WDR59: variants seen among roughly 807,000 people sequenced by gnomAD.
WDR59 encodes WD repeat domain 59, also known as GATOR2 complex protein WDR59.
A neutral mutation model predicts 131.2 loss-of-function variants in WDR59; 100 were observed. The observed-to-expected ratio is 0.76, with a 90% CI of 0.65 to 0.90. The LOEUF is 0.90. Among genes scored for constraint, WDR59 ranks in the 40% least tolerant of loss-of-function variants. The probability of loss-of-function intolerance (pLI) is 0.00; values close to 1 mark genes in which losing one functional copy is unlikely to be tolerated. For synonymous variants in WDR59, 601 were observed against 466.2 expected, an observed-to-expected ratio of 1.29 and a Z score of -3.72; for missense variants, 1,203 against 1,262.2, an observed-to-expected ratio of 0.95 and a Z score of 0.71.
intron 8 of WDR59, among the ~76,000 whole-genome samples, chr16:74,925,278 G>A (rs111817896): frequency 0.049 from 7,405 of 152,216 alleles, 287 homozygotes; most frequent in South Asian, 0.11. Flanking sequence ...GCTCATGCCT[G>A]TAATCCCAGC....
intron 3 of WDR59, among the ~76,000 whole-genome samples, chr16:74,956,065 G>A (rs932799070): frequency 3.3e-5 from 5 of 152,082 alleles, no homozygotes; most frequent in African/African-American, 1.2e-4. Context: ...GAAGGGTAGG[G>A]GGAGTCTTCT....
chr16:74,984,726 G>A, intron 1 of WDR59: 1 of 572,944 alleles, frequency 1.7e-6, no homozygotes, highest in Non-Finnish European at 3.1e-6. Context: ...TCACAAGGCG[G>A]ACCCCACTCC....
At chr16:74,981,467 A>G (rs1172080598) in intron 1 of WDR59, among the ~76,000 whole-genome samples, 1 of 149,908 alleles carries the variant, frequency 6.7e-6, no homozygotes, top group Non-Finnish European at 1.5e-5. Flanking sequence ...CTGAGGTGGG[A>G]AGATCACTTG....
intron 25 of WDR59, among the ~76,000 whole-genome samples, chr16:74,882,807 C>CAAAAAAAAAAAAAAAAAAAAAAAAGAAA (rs1964556664): frequency 1.9e-5 from 1 of 51,420 alleles, no homozygotes. Flanking sequence ...AACACTGTCT[C>CAAAAAAAAAAAAAAAAAAAAAAAAGAAA]AAAAAAAAAA....
chr16:74,892,045 A>C (rs1404200999), intron 20 of WDR59, among the ~76,000 whole-genome samples: 1 of 152,214 alleles, frequency 6.6e-6, no homozygotes, highest in Non-Finnish European at 1.5e-5. Context: ...GTTATAATAC[A>C]CTGATATGTT....
At chr16:74,941,324 G>C (rs1292408255) in intron 7 of WDR59, among the ~76,000 whole-genome samples, 2 of 132,890 alleles carry the variant, frequency 1.5e-5, no homozygotes, top group African/African-American at 5.7e-5. Flanking sequence ...CTGGGTGACA[G>C]AATGAGGCTC....
chr16:74,885,836 A>G (rs1406495026), intron 24 of WDR59, 41 bp from the exon 25 acceptor site: 1 of 1,603,658 alleles, frequency 6.2e-7, no homozygotes. Context: ...TTCCTTTAAG[A>G]AAAAACAAGC....
intron 8 of WDR59, among the ~76,000 whole-genome samples, chr16:74,925,438 G>C (rs2030684111): frequency 6.6e-6 from 1 of 151,852 alleles, no homozygotes; most frequent in Non-Finnish European, 1.5e-5. Flanking sequence ...CAGCTACTCA[G>C]GAGGCTGAGG....
Position 74,943,288 on chromosome 16 carries a change from C to T in WDR59, c.446-462G>A, listed in dbSNP as rs559292577. ...AGCAATAGTCTTAGAAAAACACAGC[C>T]TTAGCTGAAGACCAGCTACAGAATA... is the stretch of plus-strand genomic sequence containing the variant. On this transcript the variant is annotated intron_variant, in intron 6 of 25. Transcript: ENST00000262144. Among the ~76,000 whole-genome samples, 4 of 151,148 alleles carry T rather than the reference C, an allele frequency of 2.6e-5. No homozygotes were observed. In the South Asian group the frequency reaches 8.3e-4, roughly 32 times the overall value.
intron 3 of WDR59, 21 bp downstream of exon 3, chr16:74,956,454 G>C (rs140076728): frequency 1.2e-6 from 2 of 1,612,256 alleles, no homozygotes; most frequent in East Asian, 4.5e-5. Flanking sequence ...GCATTCTCCT[G>C]TATTCCTTAA....
At position 74,917,919 on chromosome 16, in the gene WDR59, G is replaced by A. The variant is rs765998692; in HGVS notation, c.966+10C>T. 7 of 1,611,516 alleles carry A rather than the reference G, an allele frequency of 4.3e-6. No individual in the cohort carries two copies. Among genetic ancestry groups the A allele is most frequent in the Non-Finnish European group, 5.1e-6 (6 of 1,178,630 alleles). ...AGGTACATTTCTCCACAATAGCACTGCATACATACCCTCTGCATCTGGGAA... is the reference window on the plus strand; with the variant it reads ...AGGTACATTTCTCCACAATAGCACTACATACATACCCTCTGCATCTGGGAA... On this transcript the variant is annotated intron_variant, in intron 11 of 25. Transcript: ENST00000262144.
At chr16:74,967,690 C>G (rs991556770) in intron 1 of WDR59, among the ~76,000 whole-genome samples, 2 of 151,900 alleles carry the variant, frequency 1.3e-5, no homozygotes, top group Admixed American at 1.3e-4. Context: ...GAAACCTCAT[C>G]TCTACTAAAA....
Position 74,909,575 on chromosome 16 carries a change from G to A in WDR59, c.1568C>T (p.Thr523Ile), listed in dbSNP as rs775126827. 4 of 1,610,984 alleles carry A rather than the reference G, an allele frequency of 2.5e-6. No individual in the cohort carries two copies. The South Asian group carries it at 3.3e-5, about 13-fold the overall frequency. The change falls in exon 16 of 26, where the codon ACC becomes ATC. Residue 523 changes from threonine to isoleucine, a missense_variant. Transcript: ENST00000262144. ...TPPLPTFARV[T>I]TAYGSYQDAN... ...GTCCTGGTACGACCCGTAAGCCGTGGTCACCCGCGCAAACGTCGGTAAGGG... is the reference window on the plus strand; with the variant it reads ...GTCCTGGTACGACCCGTAAGCCGTGATCACCCGCGCAAACGTCGGTAAGGG...
In WDR59 at chr16:74,912,264, G is replaced by A. The variant is rs775044329; in HGVS notation, c.1323C>T (p.Ala441=). ...VKFPAQYPNN[A]APSFQFINPT... is the part of the protein sequence containing the mutation. The stretch of plus-strand genomic sequence containing the variant: ...GGTTAATAAACTGGAAGGAAGGGGC[G>A]GCGTTGTTTGGGTACTGTGCAGGGA... The change falls in exon 14 of 26, where the codon GCC becomes GCT. Residue 441 remains alanine (A), a synonymous_variant. Transcript: ENST00000262144. 29 of 1,614,036 alleles carry A rather than the reference G, an allele frequency of 1.8e-5. No individual in the cohort carries two copies. The highest frequency in any genetic ancestry group is 4.5e-5 in the East Asian group (2 of 44,896).
At chr16:74,884,654 A>T (rs1019120411) in intron 25 of WDR59, among the ~76,000 whole-genome samples, 4 of 152,084 alleles carry the variant, frequency 2.6e-5, no homozygotes, top group East Asian at 1.9e-4. Flanking sequence ...GGCCAAATCC[A>T]AATTCTTTAC....
rs1220896994 is a variant in WDR59, at chr16:74,958,919, C to G, written c.105-2309G>C. 2.0e-5 allele frequency among the ~76,000 whole-genome samples: 3 copies of G among 152,060 alleles called. No homozygotes were observed. The East Asian group carries it at 5.8e-4, about 30-fold the overall frequency. On this transcript the variant is annotated intron_variant, in intron 2 of 25. Transcript: ENST00000262144. ...ACTAATAAAAAAAAAATTAGCCAGGCATGGTGGTGCATGCCTGTAATCCCA... is the reference window on the plus strand; with the variant it reads ...ACTAATAAAAAAAAAATTAGCCAGGGATGGTGGTGCATGCCTGTAATCCCA...
At position 74,895,129 on chromosome 16, in the gene WDR59, C is replaced by T. The variant is rs192535886; in HGVS notation, c.1867-1317G>A. Among the ~76,000 whole-genome samples, 453 of 152,312 alleles carry T rather than the reference C, an allele frequency of 3.0e-3. 3 individuals are homozygous for T. Among genetic ancestry groups the T allele is most frequent in the Admixed American group, 0.011 (162 of 15,302 alleles). ...GGGTTATCATGTGTCTTGGAACCTACTAAATTCAGGACATGTGGAGTTAGT... is the reference window on the plus strand; with the variant it reads ...GGGTTATCATGTGTCTTGGAACCTATTAAATTCAGGACATGTGGAGTTAGT... On this transcript the variant is annotated intron_variant, in intron 18 of 25. Transcript: ENST00000262144.
At chr16:74,974,579 C>G (rs2034113736) in intron 1 of WDR59, among the ~76,000 whole-genome samples, 1 of 152,116 alleles carries the variant, frequency 6.6e-6, no homozygotes, top group Non-Finnish European at 1.5e-5. Context: ...TGGCTGCTAT[C>G]TAGAACGTGG....
At chr16:74,957,938 G>T (rs1055970236) in intron 2 of WDR59, among the ~76,000 whole-genome samples, 2 of 152,176 alleles carry the variant, frequency 1.3e-5, no homozygotes, top group Non-Finnish European at 2.9e-5. Flanking sequence ...AGAATTTCCA[G>T]GACTTCTAAG....
Sources: gnomAD v4.1 joint callset for allele counts (sites outside exome capture counted in the v4.1 genomes callset) on GRCh38, gnomAD v4.1.1 for gene constraint, MANE v1.5 for transcripts, NCBI Gene and HGNC (gene_info 2026-07-23, HGNC 2026-07-21) for gene names.